PDS5B: variants seen among roughly 807,000 people sequenced by gnomAD.
PDS5B encodes the protein PDS5 cohesin associated factor B, also known as sister chromatid cohesion protein PDS5 homolog B.
PDS5B carries 51 observed loss-of-function variants against 184.1 expected under a neutral mutation model. That is an observed-to-expected ratio of 0.28 (90% CI 0.22 to 0.35). The LOEUF (loss-of-function observed/expected upper bound fraction) is 0.35. PDS5B is among the 10% of genes least tolerant of loss of function. The probability of loss-of-function intolerance (pLI) is 1.00; values close to 1 mark genes in which losing one functional copy is unlikely to be tolerated. For missense variants in PDS5B, 1,180 were observed against 1,723.3 expected (o/e 0.68, Z 5.58); for synonymous variants, 566 against 569.2 (o/e 0.99, Z 0.08).
intron 7 of PDS5B, 83 bp downstream of exon 7, chr13:32,667,927 T>C (rs1400634897): frequency 1.6e-6 from 1 of 641,734 alleles, no homozygotes; most frequent in Non-Finnish European, 2.6e-6. Context: ...CATCAGATAG[T>C]ATATAGTTTT....
At chr13:32,722,747 C>T (rs1250470887) in intron 19 of PDS5B, among the ~76,000 whole-genome samples, 2 of 152,204 alleles carry the variant, frequency 1.3e-5, no homozygotes, top group Non-Finnish European at 2.9e-5. Context: ...GCAGCTACTA[C>T]CTCTAGAGCT....
At chr13:32,618,959 C>A (rs975063239) in intron 1 of PDS5B, among the ~76,000 whole-genome samples, 5 of 152,124 alleles carry the variant, frequency 3.3e-5, no homozygotes, top group Non-Finnish European at 5.9e-5. Context: ...GTCAAGTTTC[C>A]ATATACATGT....
Position 32,759,700 on chromosome 13 carries a change from G to T in PDS5B, c.3372+10G>T. ...TTTCACTCCTGGAAAAGTATGTTTT[G>T]AGAATCATTTTAATTTTTATGTGGT... On this transcript the variant is annotated intron_variant, in intron 29 of 34. Coordinates refer to ENST00000315596, the MANE Select transcript of PDS5B (RefSeq NM_015032.4). 1 of 1,478,984 alleles carries T rather than the reference G, an allele frequency of 6.8e-7. No individual in the cohort carries two copies. The highest frequency in any genetic ancestry group is 9.3e-7 in the Non-Finnish European group (1 of 1,071,866). 91.6% of individuals were successfully genotyped at this position (1,478,984 alleles called of 1,614,324 possible). A position where few individuals can be genotyped will look rare whatever the true frequency, so the allele number is the denominator to read the frequency against.
At chr13:32,604,751 G>T (rs1449329367) in intron 1 of PDS5B, among the ~76,000 whole-genome samples, 1 of 152,070 alleles carries the variant, frequency 6.6e-6, no homozygotes, top group African/African-American at 2.4e-5. Flanking sequence ...CAATTTCAGA[G>T]CCTGTTATTG....
chr13:32,606,696 A>G (rs1039191137), intron 1 of PDS5B, among the ~76,000 whole-genome samples: 7 of 152,238 alleles, frequency 4.6e-5, no homozygotes, highest in African/African-American at 1.7e-4. Context: ...TGTCACTTTC[A>G]GGTACACGAA....
chr13:32,669,806 C>T (rs1262756721), intron 7 of PDS5B, among the ~76,000 whole-genome samples: 6 of 152,172 alleles, frequency 3.9e-5, no homozygotes, highest in Non-Finnish European at 7.3e-5. Context: ...TTTCTTGTTC[C>T]TTGCCTTATT....
At chr13:32,674,191 A>G (rs374996547) in intron 8 of PDS5B, among the ~76,000 whole-genome samples, 1 of 152,186 alleles carries the variant, frequency 6.6e-6, no homozygotes, top group South Asian at 2.1e-4. Context: ...ATTGGACAAT[A>G]TAGTTTTCTT....
intron 13 of PDS5B, among the ~76,000 whole-genome samples, chr13:32,693,051 G>A (rs998269365): frequency 5.9e-5 from 9 of 151,916 alleles, no homozygotes; most frequent in African/African-American, 2.2e-4. Context: ...GAGCATATAG[G>A]AAAGAGAGAA....
intron 24 of PDS5B, among the ~76,000 whole-genome samples, chr13:32,750,558 C>T (rs9568337): frequency 2.6e-5 from 4 of 151,890 alleles, no homozygotes; most frequent in Admixed American, 2.0e-4. Context: ...CCTCCTCCCC[C>T]CAAAATGGAG....
chr13:32,687,546 G>C (rs1210553717), intron 12 of PDS5B, among the ~76,000 whole-genome samples: 1 of 152,120 alleles, frequency 6.6e-6, no homozygotes, highest in Non-Finnish European at 1.5e-5. Context: ...AAATAGGTAT[G>C]TGTAATAGTT....
chr13:32,632,473 C>T (rs150103710), intron 1 of PDS5B, among the ~76,000 whole-genome samples: 2 of 152,210 alleles, frequency 1.3e-5, no homozygotes, highest in African/African-American at 2.4e-5. Flanking sequence ...ACACTGCATA[C>T]CTACTAGGAT....
chr13:32,668,974 C>T (rs1437439520), intron 7 of PDS5B, among the ~76,000 whole-genome samples: 1 of 152,238 alleles, frequency 6.6e-6, no homozygotes, highest in African/African-American at 2.4e-5. Context: ...GGTAAACTTT[C>T]AGAAGCTGTG....
At chr13:32,708,152 ACT>A (rs1057029821) in intron 18 of PDS5B, among the ~76,000 whole-genome samples, 1 of 151,998 alleles carries the variant, frequency 6.6e-6, no homozygotes. Flanking sequence ...CTGAGCTACA[ACT>A]CTCTGCACCC....
intron 14 of PDS5B, among the ~76,000 whole-genome samples, chr13:32,694,538 G>A (rs1382735903): frequency 1.3e-5 from 2 of 151,816 alleles, no homozygotes; most frequent in Non-Finnish European, 2.9e-5. Flanking sequence ...GTGGGTCTGT[G>A]TACTCAAAGT....
intron 1 of PDS5B, among the ~76,000 whole-genome samples, chr13:32,637,648 T>C (rs1241611057): frequency 1.3e-5 from 2 of 151,956 alleles, no homozygotes; most frequent in African/African-American, 2.4e-5. Context: ...TTAACTGATA[T>C]TTGGAGGTTG....
At chr13:32,673,136 A>C (rs1279958132) in intron 7 of PDS5B, 80 bp from the exon 8 acceptor site, 2 of 1,230,966 alleles carry the variant, frequency 1.6e-6, no homozygotes, top group Non-Finnish European at 2.3e-6. Flanking sequence ...ATAATGATGA[A>C]TTTGGTCAAA....
chr13:32,707,948 C>T lies in PDS5B; in HGVS notation c.1962+909C>T, dbSNP rs191936121. ...ACAAGGGCGAGATAGAAGCAGCTTT[C>T]CAGAAGACATGCCCACCAATGTGCC... On this transcript the variant is annotated intron_variant, in intron 18 of 34. Transcript: ENST00000315596. 3.3e-5 allele frequency among the ~76,000 whole-genome samples: 5 copies of T among 151,946 alleles called. No individual in the cohort carries two copies. The East Asian group carries it at 7.8e-4, about 24-fold the overall frequency.
chr13:32,759,737 G>A, intron 29 of PDS5B, 47 bp downstream of exon 29: 1 of 1,003,182 alleles, frequency 1.0e-6, no homozygotes. Flanking sequence ...GCTTATTTTA[G>A]AGTGATTATT....
intron 20 of PDS5B, among the ~76,000 whole-genome samples, chr13:32,734,173 G>A (rs1566388966): frequency 2.0e-5 from 3 of 151,850 alleles, no homozygotes; most frequent in Non-Finnish European, 2.9e-5. Context: ...GACTACAGGC[G>A]TATGCCCCAC....
Sources: allele counts gnomAD v4.1 joint callset (sites outside exome capture counted in the v4.1 genomes callset), GRCh38; gene constraint gnomAD v4.1.1; transcripts MANE v1.5; gene names NCBI Gene and HGNC (gene_info 2026-07-23, HGNC 2026-07-21).